ST6GAL1: variants seen among roughly 807,000 people sequenced by gnomAD.
The protein encoded by ST6GAL1 is ST6 beta-galactoside alpha-2,6-sialyltransferase 1, also known as beta-galactoside alpha-2,6-sialyltransferase 1.
In ST6GAL1, 20 loss-of-function variants were observed where a neutral mutation model predicts 38.0. That is an observed-to-expected ratio of 0.53 (90% CI 0.37 to 0.77). The LOEUF (loss-of-function observed/expected upper bound fraction) is 0.77. Ranked by LOEUF, ST6GAL1 falls within the 30% of genes least tolerant of loss-of-function variation. ST6GAL1 has a pLI of 0.00. For synonymous variants in ST6GAL1, 196 were observed against 188.2 expected (o/e 1.04, Z -0.34); for missense variants, 432 against 496.4 (o/e 0.87, Z 1.23).
At chr3:187,006,170 G>A (rs1329340948) in intron 2 of ST6GAL1, 2 of 152,180 alleles carry the variant, frequency 1.3e-5, no homozygotes, top group African/African-American at 4.8e-5. Context: ...ACTGAGAAAT[G>A]GCCCAGTTCC....
chr3:187,001,629 C>A (rs533071743), intron 2 of ST6GAL1, among the ~76,000 whole-genome samples: 16 of 152,238 alleles, frequency 1.1e-4, no homozygotes, highest in Middle Eastern at 3.4e-3. Flanking sequence ...CACACAGTGT[C>A]CTGCACATAA....
At chr3:186,954,978 T>G (rs1309174086) in intron 1 of ST6GAL1, among the ~76,000 whole-genome samples, 1 of 152,252 alleles carries the variant, frequency 6.6e-6, no homozygotes, top group Non-Finnish European at 1.5e-5. Flanking sequence ...TACATTTAAG[T>G]CTTTAATCCA....
intron 1 of ST6GAL1, among the ~76,000 whole-genome samples, chr3:186,958,027 T>A (rs1391836176): frequency 6.6e-6 from 1 of 151,554 alleles, no homozygotes; most frequent in Non-Finnish European, 1.5e-5. Context: ...AATGGAAGGT[T>A]CCAGAAGGGA....
intron 1 of ST6GAL1, among the ~76,000 whole-genome samples, chr3:186,945,590 G>A (rs1714329982): frequency 6.6e-6 from 1 of 152,180 alleles, no homozygotes; most frequent in Admixed American, 6.5e-5. Context: ...GGGATGGGCA[G>A]TGAGGACTAA....
At chr3:187,067,066 T>C (rs529694155) in intron 5 of ST6GAL1, among the ~76,000 whole-genome samples, 3 of 138,156 alleles carry the variant, frequency 2.2e-5, no homozygotes, top group Admixed American at 7.3e-5. Flanking sequence ...GCAATCTTCT[T>C]TTCTTTCTTT....
At chr3:187,048,967 G>A (rs747489377) in intron 4 of ST6GAL1, among the ~76,000 whole-genome samples, 12 of 140,468 alleles carry the variant, frequency 8.5e-5, no homozygotes, top group Non-Finnish European at 1.4e-4. Flanking sequence ...CTCGGCTCAC[G>A]CTAACCCCCG....
chr3:187,009,866 G>C (rs539868161), intron 2 of ST6GAL1, among the ~76,000 whole-genome samples: 1 of 151,994 alleles, frequency 6.6e-6, no homozygotes, highest in Non-Finnish European at 1.5e-5. Context: ...TTAGCCAGGC[G>C]TGGTGGTGGG....
At chr3:186,955,166 C>A (rs1450552482) in intron 1 of ST6GAL1, among the ~76,000 whole-genome samples, 1 of 152,186 alleles carries the variant, frequency 6.6e-6, no homozygotes, top group African/African-American at 2.4e-5. Flanking sequence ...TTTCTGAGAT[C>A]TCTGTGCTGT....
intron 1 of ST6GAL1, among the ~76,000 whole-genome samples, chr3:186,939,068 CTTT>C (rs59211382): frequency 7.4e-6 from 1 of 135,552 alleles, no homozygotes; most frequent in South Asian, 2.4e-4. Flanking sequence ...AACCTGGGAC[CTTT>C]TTTTTTTTTT....
chr3:186,939,117 A>G (rs2108514362), intron 1 of ST6GAL1, among the ~76,000 whole-genome samples: 1 of 145,586 alleles, frequency 6.9e-6, no homozygotes, highest in East Asian at 2.0e-4. Context: ...ACTGTCACCC[A>G]GGCTGGAGTG....
At chr3:186,978,543 C>T (rs1223505376) in intron 2 of ST6GAL1, among the ~76,000 whole-genome samples, 1 of 152,210 alleles carries the variant, frequency 6.6e-6, no homozygotes, top group Non-Finnish European at 1.5e-5. Context: ...GCAGGCCAGA[C>T]CAGGAGCCAG....
intron 2 of ST6GAL1, among the ~76,000 whole-genome samples, chr3:186,966,290 C>T (rs1027437050): frequency 1.3e-5 from 2 of 152,148 alleles, no homozygotes; most frequent in Non-Finnish European, 2.9e-5. Flanking sequence ...TGATGGTTCC[C>T]GGCACAGTGT....
chr3:187,017,177 G>A (rs9851691), intron 2 of ST6GAL1, among the ~76,000 whole-genome samples: 40,694 of 151,968 alleles, frequency 0.27, 5,532 homozygotes, highest in East Asian at 0.35. Context: ...TGCTTGAGCC[G>A]TGTGTTGACT....
chr3:187,039,693 C>T (rs1359605245), intron 3 of ST6GAL1, among the ~76,000 whole-genome samples: 1 of 152,214 alleles, frequency 6.6e-6, no homozygotes, highest in African/African-American at 2.4e-5. Flanking sequence ...ACTCTTTTCC[C>T]TCGGTTGCGC....
intron 2 of ST6GAL1, among the ~76,000 whole-genome samples, chr3:187,018,068 C>G (rs781528451): frequency 1.3e-5 from 2 of 152,134 alleles, no homozygotes; most frequent in African/African-American, 4.8e-5. Flanking sequence ...TGCTGTGTCC[C>G]GGGGGAGGCA....
At chr3:186,982,834 A>T (rs1424219963) in intron 2 of ST6GAL1, among the ~76,000 whole-genome samples, 2 of 124,906 alleles carry the variant, frequency 1.6e-5, no homozygotes, top group Non-Finnish European at 1.7e-5. Context: ...GTCGCCCGCC[A>T]CCATGCCCAG....
At chr3:186,932,654 G>A (rs1010602245) in intron 1 of ST6GAL1, among the ~76,000 whole-genome samples, 2 of 152,178 alleles carry the variant, frequency 1.3e-5, no homozygotes, top group African/African-American at 4.8e-5. Flanking sequence ...GCAAAAGCAT[G>A]GGCTGTTGAC....
chr3:186,993,386 T>C (rs1716242568), intron 2 of ST6GAL1, among the ~76,000 whole-genome samples: 1 of 152,102 alleles, frequency 6.6e-6, no homozygotes. Context: ...AACAAAAAAG[T>C]CAAGCATGTC....
At chr3:186,964,043 C>T (rs1311901945) in intron 2 of ST6GAL1, 117 bp downstream of exon 2, 1 of 152,270 alleles carries the variant, frequency 6.6e-6, no homozygotes, top group East Asian at 1.9e-4. Flanking sequence ...CTGGTTCAGT[C>T]AAACCATCTG....
Sources: allele counts gnomAD v4.1 joint callset (sites outside exome capture counted in the v4.1 genomes callset), GRCh38; gene constraint gnomAD v4.1.1; transcripts MANE v1.5; gene names NCBI Gene and HGNC (gene_info 2026-07-23, HGNC 2026-07-21).